RALYL: variants seen among roughly 807,000 people sequenced by gnomAD.
The protein encoded by RALYL is RALY RNA binding protein like, also known as RNA-binding Raly-like protein.
In RALYL, 29 loss-of-function variants were observed where a neutral mutation model predicts 35.1. That is an observed-to-expected ratio of 0.83 (90% CI 0.61 to 1.13). The LOEUF (loss-of-function observed/expected upper bound fraction) is 1.13, where lower values mean the gene tolerates loss of function less well. RALYL is among the 50% of genes most tolerant of loss of function. The pLI is 0.00. For synonymous variants in RALYL, 120 were observed against 127.6 expected, an observed-to-expected ratio of 0.94 and a Z score of 0.40; for missense variants, 359 against 360.4, an observed-to-expected ratio of 1.00 and a Z score of 0.03.
chr8:84,649,116 C>T (rs930968189), intron 2 of RALYL, among the ~76,000 whole-genome samples: 2 of 152,040 alleles, frequency 1.3e-5, no homozygotes, highest in African/African-American at 2.4e-5. Flanking sequence ...ATTAGGTTCA[C>T]ATAAGGATTG....
chr8:84,879,870 G>C (rs4317566), intron 7 of RALYL, among the ~76,000 whole-genome samples: 7,536 of 151,930 alleles, frequency 0.05, 611 homozygotes, highest in African/African-American at 0.17. Context: ...AGGCAAGATT[G>C]CCCTGGACAC....
At chr8:84,602,970 AT>A (rs1476065480) in intron 2 of RALYL, among the ~76,000 whole-genome samples, 2 of 152,122 alleles carry the variant, frequency 1.3e-5, no homozygotes, top group African/African-American at 4.8e-5. Context: ...AGAGATGAGG[AT>A]TTAGCAATGT....
intron 1 of RALYL, among the ~76,000 whole-genome samples, chr8:84,431,021 T>C (rs1456174116): frequency 6.6e-6 from 1 of 152,142 alleles, no homozygotes; most frequent in Non-Finnish European, 1.5e-5. Flanking sequence ...TTCTGTAAAG[T>C]AGGGCACTAA....
At chr8:84,763,023 T>C (rs932210533) in intron 2 of RALYL, among the ~76,000 whole-genome samples, 7 of 152,180 alleles carry the variant, frequency 4.6e-5, no homozygotes, top group Non-Finnish European at 7.4e-5. Flanking sequence ...AAATGTGTTA[T>C]ATTCTAGGGT....
chr8:84,675,730 G>C (rs1834060069), intron 2 of RALYL, among the ~76,000 whole-genome samples: 2 of 151,964 alleles, frequency 1.3e-5, no homozygotes, highest in African/African-American at 4.8e-5. Context: ...CTTTTCTGTA[G>C]ATATTCTCCT....
intron 1 of RALYL, among the ~76,000 whole-genome samples, chr8:84,361,834 G>A (rs1351269940): frequency 1.3e-5 from 2 of 152,176 alleles, no homozygotes; most frequent in East Asian, 3.9e-4. Context: ...AATTGTGCAA[G>A]CCTTCACTAG....
intron 2 of RALYL, among the ~76,000 whole-genome samples, chr8:84,607,784 T>A (rs1817474416): frequency 6.6e-6 from 1 of 152,088 alleles, no homozygotes; most frequent in African/African-American, 2.4e-5. Context: ...CTTGTCAACC[T>A]GTGTTTCTCA....
chr8:84,626,923 G>A (rs537625310), intron 2 of RALYL, among the ~76,000 whole-genome samples: 1 of 152,212 alleles, frequency 6.6e-6, no homozygotes, highest in South Asian at 2.1e-4. Flanking sequence ...GCCTTATTTC[G>A]TGTGACACTG....
chr8:84,883,131 T>C (rs571855133), intron 7 of RALYL, among the ~76,000 whole-genome samples: 1 of 152,136 alleles, frequency 6.6e-6, no homozygotes, highest in South Asian at 2.1e-4. Context: ...AATACCATTA[T>C]AATTAAAGCT....
intron 1 of RALYL, among the ~76,000 whole-genome samples, chr8:84,438,919 C>T (rs1459458516): frequency 6.7e-6 from 1 of 150,028 alleles, no homozygotes; most frequent in Non-Finnish European, 1.5e-5. Context: ...TTCTGGGTTC[C>T]CTATTATGTT....
At chr8:84,468,307 C>T (rs2052059049) in intron 1 of RALYL, among the ~76,000 whole-genome samples, 2 of 152,046 alleles carry the variant, frequency 1.3e-5, no homozygotes, top group Non-Finnish European at 2.9e-5. Flanking sequence ...ATGTTTAGTG[C>T]TTCTTTCAGG....
chr8:84,752,484 G>A (rs552204575), intron 2 of RALYL, among the ~76,000 whole-genome samples: 1 of 152,304 alleles, frequency 6.6e-6, no homozygotes, highest in East Asian at 1.9e-4. Context: ...GCAGAAATTT[G>A]CATAACTAAA....
chr8:84,869,498 G>T (rs16913381), intron 6 of RALYL, among the ~76,000 whole-genome samples: 5,376 of 152,222 alleles, frequency 0.035, 302 homozygotes, highest in African/African-American at 0.12. Context: ...TATTGGTAAG[G>T]GAGGTTATAT....
At chr8:84,896,099 C>T (rs1192011167) in intron 8 of RALYL, among the ~76,000 whole-genome samples, 1 of 152,162 alleles carries the variant, frequency 6.6e-6, no homozygotes, top group African/African-American at 2.4e-5. Context: ...CTTGAGGATG[C>T]AGCCTTGCCA....
At chr8:84,638,871 A>AATATATATATATAT (rs71273908) in intron 2 of RALYL, among the ~76,000 whole-genome samples, 2 of 86,274 alleles carry the variant, frequency 2.3e-5, no homozygotes, top group Admixed American at 1.2e-4. Context: ...TGCACGCATA[A>AATATATATATATAT]ATATATATAT....
chr8:84,822,139 A>G (rs1186845896), intron 4 of RALYL, among the ~76,000 whole-genome samples: 1 of 152,174 alleles, frequency 6.6e-6, no homozygotes, highest in Non-Finnish European at 1.5e-5. Context: ...CATATCATGC[A>G]AGTGGTATTT....
chr8:84,393,251 C>A (rs1359122281), intron 1 of RALYL, among the ~76,000 whole-genome samples: 1 of 151,994 alleles, frequency 6.6e-6, no homozygotes, highest in African/African-American at 2.4e-5. Context: ...GATCCGCTCC[C>A]ACGCTCACTT....
At chr8:84,864,913 A>G (rs1838873221) in intron 6 of RALYL, 2 of 330,368 alleles carry the variant, frequency 6.1e-6, no homozygotes, top group East Asian at 1.3e-4. Flanking sequence ...CCCTGTTATT[A>G]TAGAAAGACA....
At chr8:84,238,464 A>G (rs1827102954) in intron 1 of RALYL, among the ~76,000 whole-genome samples, 1 of 152,094 alleles carries the variant, frequency 6.6e-6, no homozygotes, top group Admixed American at 6.6e-5. Context: ...CATGCATCCT[A>G]GGTGCACGGT....
Sources: gnomAD v4.1 joint callset for allele counts (sites outside exome capture counted in the v4.1 genomes callset) on GRCh38, gnomAD v4.1.1 for gene constraint, MANE v1.5 for transcripts, NCBI Gene and HGNC (gene_info 2026-07-23, HGNC 2026-07-21) for gene names.